PXDNL: variants seen among roughly 807,000 people sequenced by gnomAD.
PXDNL encodes the protein probable oxidoreductase PXDNL.
PXDNL carries 145 observed loss-of-function variants against 150.8 expected under a neutral mutation model. The observed-to-expected ratio is 0.96, with a 90% CI of 0.84 to 1.10. The LOEUF (loss-of-function observed/expected upper bound fraction) is 1.10. Ranked by LOEUF, PXDNL falls within the 50% of genes least tolerant of loss-of-function variation. The pLI is 0.00. For missense variants in PXDNL, 2,087 were observed against 1,873.9 expected (o/e 1.11, Z -2.10); for synonymous variants, 757 against 725.7 (o/e 1.04, Z -0.69).
At chr8:51,345,777 G>C in intron 20 of PXDNL, 56 bp downstream of exon 20, 1 of 1,067,822 alleles carries the variant, frequency 9.4e-7, no homozygotes, top group South Asian at 1.3e-5. Flanking sequence ...CAAATTGTAG[G>C]TTTGAAGCAA....
rs143964390 is a variant in PXDNL, at chr8:51,793,701, G to A, written c.164+15480C>T. On this transcript the variant is annotated intron_variant, in intron 1 of 22. Transcript: ENST00000356297. ...GTCAGGAGTTCAAGACCAGCCTGGC[G>A]AACATAGTGAAACACCGTCTGTACT... 2.4e-4 allele frequency among the ~76,000 whole-genome samples: 36 copies of A among 152,086 alleles called. No individual in the cohort carries two copies. The East Asian group carries it at 7.0e-3, about 29-fold the overall frequency.
intron 1 of PXDNL, among the ~76,000 whole-genome samples, chr8:51,706,160 T>C (rs2956885): frequency 0.94 from 142,455 of 152,204 alleles, 66,765 homozygotes; most frequent in East Asian, 1. Context: ...AAAATACAAA[T>C]ATTAGGTGGG....
At chr8:51,390,703 C>T (rs1362868348) in intron 17 of PXDNL, among the ~76,000 whole-genome samples, 2 of 151,542 alleles carry the variant, frequency 1.3e-5, no homozygotes, top group African/African-American at 2.4e-5. Context: ...GGTGACAAGC[C>T]GACCTCACTA....
intron 2 of PXDNL, among the ~76,000 whole-genome samples, chr8:51,627,414 A>G (rs1814383631): frequency 6.6e-6 from 1 of 152,208 alleles, no homozygotes; most frequent in African/African-American, 2.4e-5. Flanking sequence ...TTAGGCAATT[A>G]TGTCTATGTG....
chr8:51,413,100 T>C (rs1391276157), intron 15 of PXDNL, 50 bp downstream of exon 15: 1 of 1,139,566 alleles, frequency 8.8e-7, no homozygotes, highest in Admixed American at 1.7e-5. Context: ...AAAAACTAAG[T>C]AGAACAGAAA....
At chr8:51,476,236 G>A (rs1164518970) in intron 6 of PXDNL, among the ~76,000 whole-genome samples, 2 of 152,226 alleles carry the variant, frequency 1.3e-5, no homozygotes, top group Non-Finnish European at 2.9e-5. Flanking sequence ...AGTGGTAGAA[G>A]CTTTGCTGCC....
chr8:51,412,287 T>C (rs1241232696), intron 15 of PXDNL, among the ~76,000 whole-genome samples: 1 of 152,204 alleles, frequency 6.6e-6, no homozygotes, highest in Non-Finnish European at 1.5e-5. Flanking sequence ...CTCCAGGCAC[T>C]GTTGAAGCAC....
At chr8:51,369,637 C>A (rs1392135427) in intron 19 of PXDNL, among the ~76,000 whole-genome samples, 1 of 129,048 alleles carries the variant, frequency 7.7e-6, no homozygotes, top group East Asian at 2.6e-4. Context: ...GACTTCTGAG[C>A]ATTTTTATAG....
intron 1 of PXDNL, among the ~76,000 whole-genome samples, chr8:51,685,936 A>T (rs1248058311): frequency 6.6e-6 from 1 of 152,226 alleles, no homozygotes; most frequent in African/African-American, 2.4e-5. Context: ...TTACATAAGG[A>T]GTATAAGTAA....
intron 5 of PXDNL, among the ~76,000 whole-genome samples, chr8:51,492,191 T>C (rs984139840): frequency 1.3e-5 from 2 of 152,246 alleles, no homozygotes; most frequent in Admixed American, 6.5e-5. Flanking sequence ...ATTCAAATTT[T>C]CTTTAAGGGA....
intron 17 of PXDNL, among the ~76,000 whole-genome samples, chr8:51,382,569 T>C (rs183667787): frequency 6.6e-6 from 1 of 152,340 alleles, no homozygotes; most frequent in East Asian, 1.9e-4. Flanking sequence ...TTAATGTATC[T>C]TTGAAGAGAC....
At chr8:51,365,722 C>T (rs1586038356) in intron 19 of PXDNL, among the ~76,000 whole-genome samples, 3 of 152,260 alleles carry the variant, frequency 2.0e-5, no homozygotes, top group Admixed American at 2.0e-4. Flanking sequence ...AGACAGAAAA[C>T]CCAAAATGAT....
At chr8:51,652,952 TCA>T (rs1359853271) in intron 2 of PXDNL, among the ~76,000 whole-genome samples, 14 of 152,224 alleles carry the variant, frequency 9.2e-5, no homozygotes, top group Non-Finnish European at 1.9e-4. Context: ...ATAGATTTTA[TCA>T]GTTTGTCACA....
intron 1 of PXDNL, among the ~76,000 whole-genome samples, chr8:51,735,544 T>TGTTG (rs1563304315): frequency 2.1e-5 from 1 of 47,754 alleles, no homozygotes. Flanking sequence ...TTTTTTTTTT[T>TGTTG]TTTTTTTTTT....
chr8:51,800,046 G>T (rs1157768477), intron 1 of PXDNL, among the ~76,000 whole-genome samples: 1 of 152,048 alleles, frequency 6.6e-6, no homozygotes, highest in East Asian at 1.9e-4. Flanking sequence ...TGTAAAAGTA[G>T]TCATCAACAC....
chr8:51,378,228 T>G (rs1807405625), intron 17 of PXDNL, among the ~76,000 whole-genome samples: 1 of 151,936 alleles, frequency 6.6e-6, no homozygotes, highest in Non-Finnish European at 1.5e-5. Flanking sequence ...CTAGCTAATC[T>G]GGTGGGGACT....
At chr8:51,781,038 T>C (rs548892384) in intron 1 of PXDNL, among the ~76,000 whole-genome samples, 2 of 152,284 alleles carry the variant, frequency 1.3e-5, no homozygotes, top group African/African-American at 2.4e-5. Flanking sequence ...TCCATCTTCA[T>C]GACCTAATCA....
intron 19 of PXDNL, among the ~76,000 whole-genome samples, chr8:51,360,294 C>T (rs1434366393): frequency 6.6e-6 from 1 of 152,148 alleles, no homozygotes; most frequent in African/African-American, 2.4e-5. Context: ...CATGCATACA[C>T]CCATACATGT....
intron 17 of PXDNL, among the ~76,000 whole-genome samples, chr8:51,384,395 T>C (rs1018466451): frequency 6.6e-6 from 1 of 152,132 alleles, no homozygotes; most frequent in Admixed American, 6.5e-5. Flanking sequence ...AAAAATCTTA[T>C]GGTTAATTTG....
Sources: gnomAD v4.1 joint callset for allele counts (sites outside exome capture counted in the v4.1 genomes callset) on GRCh38, gnomAD v4.1.1 for gene constraint, MANE v1.5 for transcripts, NCBI Gene and HGNC (gene_info 2026-07-23, HGNC 2026-07-21) for gene names.